The following TMEM164 variants were observed in gnomAD, a reference collection of about 807,000 sequenced individuals.
TMEM164 encodes RP13-360B22.2.
In TMEM164, 4 loss-of-function variants were observed where a neutral mutation model predicts 18.8. That is an observed-to-expected ratio of 0.21 (90% CI 0.10 to 0.49). The LOEUF (loss-of-function observed/expected upper bound fraction) is 0.49. TMEM164 is among the 20% of genes least tolerant of loss of function. The probability of loss-of-function intolerance (pLI) is 0.98; values close to 1 mark genes in which losing one functional copy is unlikely to be tolerated. For synonymous variants in TMEM164, 86 were observed against 101.7 expected, an observed-to-expected ratio of 0.85 and a Z score of 0.93; for missense variants, 108 against 239.9, an observed-to-expected ratio of 0.45 and a Z score of 3.63.
chrX:110,017,512 C>CTCCCTCCCTCCTTCCT (rs1460368635), intron 2 of TMEM164, among the ~76,000 whole-genome samples: 1 of 20,175 alleles, frequency 5.0e-5, no homozygotes, highest in African/African-American at 2.6e-4. Flanking sequence ...CCCTCCCTCC[C>CTCCCTCCCTCCTTCCT]TCCTTCCTTC....
chrX:110,111,161 C>A (rs1200860204), intron 4 of TMEM164, among the ~76,000 whole-genome samples: 1 of 112,479 alleles, frequency 8.9e-6, no homozygotes, highest in East Asian at 2.8e-4. Context: ...TTCTACATCT[C>A]CCACAGTCTG....
At chrX:110,035,231 T>G (rs1934734707) in intron 2 of TMEM164, among the ~76,000 whole-genome samples, 2 of 109,642 alleles carry the variant, frequency 1.8e-5, no homozygotes, top group South Asian at 7.7e-4. Flanking sequence ...AATAATAAAA[T>G]AAAATTAAAA....
intron 4 of TMEM164, among the ~76,000 whole-genome samples, chrX:110,130,360 G>T (rs1275471937): frequency 8.9e-6 from 1 of 111,854 alleles, no homozygotes; most frequent in African/African-American, 3.3e-5. Flanking sequence ...TGTAAGTTAC[G>T]TTGGGTCAGT....
At position 110,087,119 on chromosome X, in the gene TMEM164, TG is replaced by T. The variant is rs1424820016; in HGVS notation, c.440+19724del. Among the ~76,000 whole-genome samples the T allele has an allele frequency of 2.6e-4, 29 of 112,152 alleles. No homozygotes were observed. In the Admixed American group the frequency reaches 2.8e-3, roughly 11 times the overall value. On this transcript the variant is annotated intron_variant, in intron 3 of 6. Transcript: ENST00000372068. The stretch of plus-strand genomic sequence containing the variant: ...TGCTTGTAGTACAAATGGTGACTAG[TG>T]ATGCTTCTGGTAGTTGATCTGAGCT...
chrX:110,106,514 C>G, intron 3 of TMEM164, among the ~76,000 whole-genome samples: 1 of 110,608 alleles, frequency 9.0e-6, no homozygotes, highest in East Asian at 2.8e-4. Context: ...GCTGGGACTA[C>G]AGACGCCTGC....
Position 110,173,343 on chromosome X carries a change from C to T in TMEM164, c.786C>T (p.Leu262=), listed in dbSNP as rs776079124. 2 of 1,211,782 alleles carry T rather than the reference C, an allele frequency of 1.7e-6. No homozygotes were observed. Among genetic ancestry groups the T allele is most frequent in the Admixed American group, 4.3e-5 (2 of 46,112 alleles). ...TCTGGGCCTCGGGACACCAGACTCT[C>T]ATGACCATGACCCACGGGAAGCTGG... ...YRIWASGHQT[L]MTMTHGKLVI... is the part of the protein sequence containing the mutation. The change falls in exon 7 of 7, where the codon CTC becomes CTT. Residue 262 remains leucine (L), a synonymous_variant. Coordinates refer to ENST00000372068, the MANE Select transcript of TMEM164 (RefSeq NM_032227.4).
intron 5 of TMEM164, among the ~76,000 whole-genome samples, chrX:110,169,849 G>GGT (rs1299174553): frequency 1.8e-5 from 2 of 111,232 alleles, no homozygotes; most frequent in Admixed American, 1.9e-4. Context: ...CTTTAGAAGG[G>GGT]GTGTGGGCTT....
At chrX:110,067,258 G>A in intron 2 of TMEM164, 89 bp from the exon 3 acceptor site, 1 of 919,890 alleles carries the variant, frequency 1.1e-6, no homozygotes, top group East Asian at 3.1e-5. Context: ...TAGAGTTTTG[G>A]TTATTTTTTG....
At chrX:110,099,000 A>G (rs1181592034) in intron 3 of TMEM164, among the ~76,000 whole-genome samples, 4 of 92,864 alleles carry the variant, frequency 4.3e-5, no homozygotes, top group East Asian at 6.5e-4. Flanking sequence ...GGGTTTCATC[A>G]TGTTAGCCAG....
intron 5 of TMEM164, among the ~76,000 whole-genome samples, chrX:110,146,582 C>T (rs1021286975): frequency 2.7e-5 from 3 of 111,804 alleles, no homozygotes; most frequent in African/African-American, 9.8e-5. Flanking sequence ...TAGCTTGCAG[C>T]ACCAGTGGAG....
chrX:110,172,578 A>T (rs1318497790), intron 6 of TMEM164, among the ~76,000 whole-genome samples: 1 of 110,712 alleles, frequency 9.0e-6, no homozygotes, highest in Admixed American at 9.5e-5. Flanking sequence ...CACCCTTACC[A>T]CTTGCTGCTC....
At chrX:110,015,331 G>A (rs917215477) in intron 2 of TMEM164, among the ~76,000 whole-genome samples, 2 of 111,890 alleles carry the variant, frequency 1.8e-5, no homozygotes, top group African/African-American at 3.3e-5. Context: ...CTAAGGTCAT[G>A]TTTTCTATAA....
rs779569929 is a variant in TMEM164 at position 110,113,249 on chromosome X, G to C, written c.507+4103G>C. Among the ~76,000 whole-genome samples, 224 of 112,346 alleles carry C rather than the reference G, an allele frequency of 2.0e-3. 1 individual carries two copies. The highest frequency in any genetic ancestry group is 4.7e-3 in the South Asian group (13 of 2,743). ...ATTCCAGCCAATCTGGTCAATCTTT[G>C]TGCTCTTTTTCTAAAGTGATGCTTA... On this transcript the variant is annotated intron_variant, in intron 4 of 6. Coordinates refer to ENST00000372068, the MANE Select transcript of TMEM164 (RefSeq NM_032227.4).
chrX:110,176,479 G>T lies in TMEM164; in HGVS notation c.*3028G>T. On this transcript the variant is annotated 3_prime_UTR_variant, in exon 7 of 7. Transcript: ENST00000372068. ...TCTCTCTCTCTCCTCAAACTTCATCGCATTCATAGAAGCTGCTTGCAGGGT... is the reference window on the plus strand; with the variant it reads ...TCTCTCTCTCTCCTCAAACTTCATCTCATTCATAGAAGCTGCTTGCAGGGT... The T allele has an allele frequency of 1.4e-6, 1 of 736,395 alleles. No individual in the cohort carries two copies. The highest frequency in any genetic ancestry group is 1.6e-6 in the Non-Finnish European group (1 of 621,671). 60.7% of individuals were successfully genotyped at this position (736,395 alleles called of 1,213,427 possible). A position where few individuals can be genotyped will look rare whatever the true frequency, so the allele number is the denominator to read the frequency against.
chrX:110,167,537 C>T (rs2067172911), intron 5 of TMEM164, among the ~76,000 whole-genome samples: 1 of 112,225 alleles, frequency 8.9e-6, no homozygotes, highest in South Asian at 3.6e-4. Flanking sequence ...TATCTCCCCA[C>T]TTGGTTTGTT....
chrX:110,109,161 C>T lies in TMEM164; in HGVS notation c.507+15C>T. Reference sequence around the variant, plus strand: ...ACACTCGGCTGGTAAGTAGCCTCTTCTAGGAATGTAACAGCAACATGCAAA... The same window carrying T: ...ACACTCGGCTGGTAAGTAGCCTCTTTTAGGAATGTAACAGCAACATGCAAA... On this transcript the variant is annotated intron_variant, in intron 4 of 6. Transcript: ENST00000372068. The T allele has an allele frequency of 9.2e-6, 11 of 1,193,236 alleles. No individual in the cohort carries two copies. Among genetic ancestry groups the T allele is most frequent in the Non-Finnish European group, 1.3e-5 (11 of 878,876 alleles).
intron 2 of TMEM164, among the ~76,000 whole-genome samples, chrX:110,053,019 G>A (rs1935641779): frequency 9.0e-6 from 1 of 111,106 alleles, no homozygotes; most frequent in Admixed American, 9.5e-5. Context: ...CCAAAGTGCT[G>A]GGATTACAGG....
chrX:110,160,234 A>G (rs1474747433), intron 5 of TMEM164, among the ~76,000 whole-genome samples: 1 of 111,931 alleles, frequency 8.9e-6, no homozygotes, highest in Non-Finnish European at 1.9e-5. Flanking sequence ...TCACATCTTT[A>G]TTTTCACTGA....
chrX:110,180,848 A>G (rs1378698234), downstream of TMEM164, among the ~76,000 whole-genome samples: 1 of 110,844 alleles, frequency 9.0e-6, no homozygotes, highest in African/African-American at 3.3e-5. Flanking sequence ...GCTCCCTTCC[A>G]CACTTCCCTT....
Sources: allele counts gnomAD v4.1 joint callset (sites outside exome capture counted in the v4.1 genomes callset), GRCh38; gene constraint gnomAD v4.1.1; transcripts MANE v1.5; gene names NCBI Gene and HGNC (gene_info 2026-07-23, HGNC 2026-07-21).